Variants in TACC2 observed in about 807,000 individuals in gnomAD.
TACC2 encodes the protein transforming acidic coiled-coil containing protein 2, also known as transforming acidic coiled-coil-containing protein 2.
TACC2 carries 137 observed loss-of-function variants against 227.3 expected under a neutral mutation model. The observed-to-expected ratio is 0.60, with a 90% confidence interval of 0.52 to 0.69. The LOEUF (loss-of-function observed/expected upper bound fraction) is 0.69. Among genes scored for constraint, TACC2 ranks in the 30% least tolerant of loss-of-function variants. TACC2 has a pLI of 0.00. For synonymous variants in TACC2, 1,523 were observed against 1,487.5 expected, an observed-to-expected ratio of 1.02 and a Z score of -0.55; for missense variants, 3,470 against 3,694.4, an observed-to-expected ratio of 0.94 and a Z score of 1.57.
At chr10:122,248,886 G>A in intron 20 of TACC2, 83 bp downstream of exon 20, 1 of 1,586,582 alleles carries the variant, frequency 6.3e-7, no homozygotes, top group Non-Finnish European at 8.6e-7. Flanking sequence ...TAGGATTCCA[G>A]AAGTTGGTCT....
At chr10:122,165,918 G>T (rs1373352999) in intron 7 of TACC2, among the ~76,000 whole-genome samples, 1 of 152,222 alleles carries the variant, frequency 6.6e-6, no homozygotes, top group Non-Finnish European at 1.5e-5. Context: ...GTGCAGATGT[G>T]CTCTTTCCCA....
Position 122,050,433 on chromosome 10 carries a change from C to T in TACC2, c.34-5C>T, listed in dbSNP as rs766136894. 6.2e-7 allele frequency: 1 copy of T among 1,610,762 alleles called. No homozygotes were observed. The highest frequency in any genetic ancestry group is 1.1e-5 in the South Asian group (1 of 90,886). ...CCTTTCCAATTTCTTTTTCTCCTGG[C>T]TCAGAGGACTTTATCAGCTCAGACT... On this transcript the variant is annotated splice_polypyrimidine_tract_variant and splice_region_variant and intron_variant, in intron 2 of 22. Coordinates refer to ENST00000369005, the MANE Select transcript of TACC2 (RefSeq NM_206862.4). The surrounding 1 kb of genome is among the most constrained non-coding windows in gnomAD (Gnocchi z 4.6).
intron 5 of TACC2, among the ~76,000 whole-genome samples, chr10:122,111,545 C>T (rs7071482): frequency 6.6e-6 from 1 of 152,138 alleles, no homozygotes; most frequent in African/African-American, 2.4e-5. Context: ...GGCTGGAGTG[C>T]GGTGGTGCAA....
rs553882397 is a variant in TACC2, at chr10:122,071,481, G to A, written c.147-11166G>A. Among the ~76,000 whole-genome samples, 50 of 152,112 alleles carry A rather than the reference G, an allele frequency of 3.3e-4. 1 individual carries two copies. The South Asian group carries it at 1.0e-2, about 30-fold the overall frequency. ...AAAAATTGGTTAAAAGATAGTTTTC[G>A]AATTTTCTTTGAAATTCAGTTGCCT... is the stretch of plus-strand genomic sequence containing the variant. On this transcript the variant is annotated intron_variant, in intron 3 of 22. Transcript: ENST00000369005.
intron 7 of TACC2, chr10:122,192,793 A>G (rs1175482282): frequency 2.2e-6 from 1 of 456,640 alleles, no homozygotes; most frequent in Admixed American, 2.3e-5. Flanking sequence ...AGACTCTGGA[A>G]AAAGGCAAGT....
chr10:122,060,873 C>T (rs1304727861), intron 3 of TACC2, among the ~76,000 whole-genome samples: 5 of 151,414 alleles, frequency 3.3e-5, no homozygotes, highest in South Asian at 2.1e-4. Context: ...GGCGTGGTGG[C>T]GCATGCCTGT....
At chr10:122,133,259 C>T (rs752942530) in intron 6 of TACC2, among the ~76,000 whole-genome samples, 1 of 152,148 alleles carries the variant, frequency 6.6e-6, no homozygotes, top group East Asian at 1.9e-4. Flanking sequence ...CACCTCCCAC[C>T]AGCCTCCCTT....
At position 122,084,062 on chromosome 10, in the gene TACC2, A is replaced by T; in HGVS notation, c.1562A>T (p.Glu521Val). ...PGVPPPPLPK[E>V]QSHEVQPGAP... ...GTACCACCCCCTCCTCTTCCCAAGG[A>T]GCAAAGCCATGAGGTCCAACCAGGA... Residue 521 changes from glutamate (E) to valine (V), a missense_variant, in exon 4 of 23, where the codon GAG becomes GTG. Physicochemically the swap from Glu to Val is moderately radical, Grantham distance 121 (BLOSUM62 -2). Transcript: ENST00000369005. 6.2e-7 allele frequency: 1 copy of T among 1,613,798 alleles called. No homozygotes were observed. The highest frequency in any genetic ancestry group is 2.2e-5 in the East Asian group (1 of 44,848).
intron 5 of TACC2, among the ~76,000 whole-genome samples, chr10:122,119,519 G>A (rs1045787555): frequency 1.3e-5 from 2 of 152,176 alleles, no homozygotes; most frequent in African/African-American, 4.8e-5. Flanking sequence ...GGTCCGTTCA[G>A]CTGGCTTTGT....
intron 7 of TACC2, among the ~76,000 whole-genome samples, chr10:122,189,678 C>G (rs2094341318): frequency 6.6e-6 from 1 of 152,184 alleles, no homozygotes; most frequent in Admixed American, 6.5e-5. Context: ...TGGAAGTATC[C>G]TCTTCCCCTT....
chr10:122,123,021 T>G (rs1241688697), intron 5 of TACC2, among the ~76,000 whole-genome samples: 1 of 152,084 alleles, frequency 6.6e-6, no homozygotes, highest in Non-Finnish European at 1.5e-5. Flanking sequence ...TGGAGATCAT[T>G]TTTTTGAGAG....
intron 1 of TACC2, among the ~76,000 whole-genome samples, chr10:122,021,085 C>T (rs552094802): frequency 6.6e-6 from 1 of 152,174 alleles, no homozygotes; most frequent in Admixed American, 6.5e-5. Flanking sequence ...CAAAAATTAG[C>T]CAGGTGTGGT....
At chr10:122,140,258 G>T (rs1186861796) in intron 6 of TACC2, among the ~76,000 whole-genome samples, 1 of 152,232 alleles carries the variant, frequency 6.6e-6, no homozygotes, top group East Asian at 1.9e-4. Flanking sequence ...GTCTAGCTGG[G>T]CTTAGCAGGA....
intron 11 of TACC2, among the ~76,000 whole-genome samples, chr10:122,217,366 CT>C (rs1366000425): frequency 1.3e-5 from 2 of 151,426 alleles, no homozygotes; most frequent in African/African-American, 4.9e-5. Flanking sequence ...CTCCGGACAA[CT>C]TTGCTTATCT....
intron 3 of TACC2, among the ~76,000 whole-genome samples, chr10:122,080,225 G>GTTTT (rs57690157): frequency 7.9e-6 from 1 of 127,232 alleles, no homozygotes; most frequent in Non-Finnish European, 1.7e-5. Flanking sequence ...TTTTTTTTTT[G>GTTTT]TTTTTTTTTT....
chr10:122,070,923 G>A (rs2077984080), intron 3 of TACC2, among the ~76,000 whole-genome samples: 1 of 150,340 alleles, frequency 6.7e-6, no homozygotes, highest in Non-Finnish European at 1.5e-5. Flanking sequence ...GACCCTGTCT[G>A]GAAAAAAAAA....
chr10:122,059,352 C>T (rs555170409), intron 3 of TACC2, among the ~76,000 whole-genome samples: 2 of 152,038 alleles, frequency 1.3e-5, no homozygotes, highest in Non-Finnish European at 2.9e-5. Context: ...TGAACACCCC[C>T]CTCCCCCCTT....
At chr10:122,053,169 G>A (rs2075887295) in intron 3 of TACC2, among the ~76,000 whole-genome samples, 1 of 152,168 alleles carries the variant, frequency 6.6e-6, no homozygotes, top group Non-Finnish European at 1.5e-5. Flanking sequence ...GAGGCTTAAT[G>A]AAGAACTTAC....
At chr10:122,142,287 T>C (rs907272213) in intron 6 of TACC2, among the ~76,000 whole-genome samples, 7 of 152,254 alleles carry the variant, frequency 4.6e-5, no homozygotes, top group African/African-American at 1.4e-4. Flanking sequence ...CACTTGGCGG[T>C]ATCCCCTCTG....
Sources: allele counts gnomAD v4.1 joint callset (sites outside exome capture counted in the v4.1 genomes callset), GRCh38; gene constraint gnomAD v4.1.1; non-coding constraint Gnocchi (gnomAD v3.1); transcripts MANE v1.5; gene names NCBI Gene and HGNC (gene_info 2026-07-23, HGNC 2026-07-21).